The following CD200R1 variants were observed in gnomAD, a reference collection of about 807,000 sequenced individuals.
CD200R1 encodes the protein CD200 receptor 1.
A neutral mutation model predicts 38.1 loss-of-function variants in CD200R1; 30 were observed. That is an observed-to-expected ratio of 0.79 (90% CI 0.59 to 1.07). The LOEUF is 1.07. CD200R1 is among the 50% of genes least tolerant of loss of function. The pLI is 0.00. For missense variants in CD200R1, 372 were observed against 415.4 expected (o/e 0.90, Z 0.91); for synonymous variants, 128 against 152.1 (o/e 0.84, Z 1.16).
At chr3:112,944,172 A>C (rs1940789838) in intron 2 of CD200R1, among the ~76,000 whole-genome samples, 1 of 151,920 alleles carries the variant, frequency 6.6e-6, no homozygotes, top group African/African-American at 2.4e-5. Context: ...TAACCAAACC[A>C]GACAAAAACA....
intron 1 of CD200R1, among the ~76,000 whole-genome samples, chr3:112,950,536 C>T (rs1478401194): frequency 1.3e-5 from 2 of 152,094 alleles, no homozygotes; most frequent in Non-Finnish European, 2.9e-5. Context: ...TAATTCATTA[C>T]ATAGTTATAA....
At chr3:112,948,920 G>A (rs1270418816) in intron 1 of CD200R1, among the ~76,000 whole-genome samples, 1 of 152,180 alleles carries the variant, frequency 6.6e-6, no homozygotes, top group Non-Finnish European at 1.5e-5. Flanking sequence ...AAAGTTTTCA[G>A]TGCAATGATC....
At chr3:112,950,057 G>T (rs1193786980) in intron 1 of CD200R1, among the ~76,000 whole-genome samples, 1 of 152,168 alleles carries the variant, frequency 6.6e-6, no homozygotes, top group Non-Finnish European at 1.5e-5. Context: ...ATCAGTCATG[G>T]TAAGAGGAAT....
chr3:112,948,059 G>A (rs1940902952), intron 1 of CD200R1, 135 bp from the exon 2 acceptor site: 1 of 666,364 alleles, frequency 1.5e-6, no homozygotes, highest in Admixed American at 2.4e-5. Context: ...TCTAAATTAT[G>A]ACAGCCAAGC....
At chr3:112,937,830 C>G (rs966169429) in intron 2 of CD200R1, among the ~76,000 whole-genome samples, 12 of 152,054 alleles carry the variant, frequency 7.9e-5, no homozygotes, top group African/African-American at 2.9e-4. Flanking sequence ...TGAGCATGGA[C>G]TGTTTTTCCA....
intron 2 of CD200R1, among the ~76,000 whole-genome samples, chr3:112,940,828 T>C (rs533252779): frequency 4.0e-4 from 60 of 151,718 alleles, no homozygotes; most frequent in African/African-American, 1.4e-3. Context: ...GAAATAAATA[T>C]GTTAAAGAAA....
At chr3:112,938,603 T>C (rs1464724206) in intron 2 of CD200R1, among the ~76,000 whole-genome samples, 1 of 151,958 alleles carries the variant, frequency 6.6e-6, no homozygotes, top group African/African-American at 2.4e-5. Context: ...GAGATTGAAT[T>C]AGTAATGAAA....
chr3:112,948,702 T>C (rs1161140542), intron 1 of CD200R1, among the ~76,000 whole-genome samples: 2 of 152,212 alleles, frequency 1.3e-5, no homozygotes, highest in Non-Finnish European at 2.9e-5. Context: ...GCCCCAGGGT[T>C]GGGGACCCGT....
At chr3:112,936,359 T>C (rs952799437) in intron 2 of CD200R1, among the ~76,000 whole-genome samples, 8 of 152,202 alleles carry the variant, frequency 5.3e-5, no homozygotes, top group Non-Finnish European at 1.0e-4. Context: ...TCTGCCTCTA[T>C]GTCTTTGATG....
chr3:112,975,077 C>T lies in CD200R1; in HGVS notation c.-220G>A. 1 of 554,106 alleles carries T rather than the reference C, an allele frequency of 1.8e-6. No individual in the cohort carries two copies. 34.3% of individuals were successfully genotyped at this position (554,106 alleles called of 1,614,324 possible). On this transcript the variant is annotated 5_prime_UTR_variant, in exon 1 of 8. Transcript: ENST00000308611. ...GACGAACAGAAGCTTTTCTCTGGAA[C>T]TTGACACAGCAATAGATTTCCTGTA...
Position 112,921,961 on chromosome 3 carries a change from T to A in CD200R1, c.*1716A>T, listed in dbSNP as rs552459392. ...GCTCAACCAGGGTTGGATGAAGAATTAATAAATTTCAAGGACAGTGTAATG... is the reference window on the plus strand; with the variant it reads ...GCTCAACCAGGGTTGGATGAAGAATAAATAAATTTCAAGGACAGTGTAATG... On this transcript the variant is annotated 3_prime_UTR_variant, in exon 8 of 8. Coordinates refer to ENST00000308611, the MANE Select transcript of CD200R1 (RefSeq NM_138806.4). The A allele has an allele frequency of 6.6e-6, 1 of 152,154 alleles. No homozygotes were observed. Among genetic ancestry groups the A allele is most frequent in the East Asian group, 1.9e-4 (1 of 5,176 alleles). 9.4% of individuals were successfully genotyped at this position (152,154 alleles called of 1,614,324 possible).
chr3:112,961,768 G>C (rs893387483), intron 1 of CD200R1, among the ~76,000 whole-genome samples: 1 of 151,940 alleles, frequency 6.6e-6, no homozygotes, highest in African/African-American at 2.4e-5. Flanking sequence ...AACAAAGAAA[G>C]ATTAATTTTC....
chr3:112,968,028 T>A (rs1933210918), intron 1 of CD200R1, among the ~76,000 whole-genome samples: 1 of 152,238 alleles, frequency 6.6e-6, no homozygotes, highest in Non-Finnish European at 1.5e-5. Context: ...AATGAGGAAA[T>A]TACTGTCAAA....
At chr3:112,955,236 T>A (rs1394147363) in intron 1 of CD200R1, among the ~76,000 whole-genome samples, 2 of 152,210 alleles carry the variant, frequency 1.3e-5, no homozygotes, top group Non-Finnish European at 2.9e-5. Flanking sequence ...GTTCTGTGTA[T>A]GTCTGGTAGG....
chr3:112,933,737 A>G lies in CD200R1; in HGVS notation c.137-2566T>C, dbSNP rs1398866639. 5.3e-5 allele frequency among the ~76,000 whole-genome samples: 8 copies of G among 152,300 alleles called. No individual in the cohort carries two copies. In the East Asian group the frequency reaches 1.5e-3, roughly 29 times the overall value. On this transcript the variant is annotated intron_variant, in intron 2 of 7. Coordinates refer to ENST00000308611, the MANE Select transcript of CD200R1 (RefSeq NM_138806.4). ...AGAGAATACAGATAAACAATTCAATAAAATCAGGAAAACAATTTGTGATTT... is the reference window on the plus strand; with the variant it reads ...AGAGAATACAGATAAACAATTCAATGAAATCAGGAAAACAATTTGTGATTT...
intron 2 of CD200R1, among the ~76,000 whole-genome samples, chr3:112,945,475 G>C (rs1255095042): frequency 6.6e-6 from 1 of 152,178 alleles, no homozygotes; most frequent in South Asian, 2.1e-4. Flanking sequence ...TGAACAAATG[G>C]TGTTGGAACG....
intron 7 of CD200R1, 49 bp from the exon 8 acceptor site, chr3:112,923,848 ACTAT>A: frequency 8.3e-7 from 1 of 1,206,830 alleles, no homozygotes; most frequent in South Asian, 1.4e-5. Context: ...CATCATAGAG[ACTAT>A]CTGTATTTTT....
At chr3:112,967,623 A>C (rs1167155936) in intron 1 of CD200R1, among the ~76,000 whole-genome samples, 2 of 152,218 alleles carry the variant, frequency 1.3e-5, no homozygotes, top group African/African-American at 4.8e-5. Context: ...TGACTGATAC[A>C]TGACAGACAC....
intron 1 of CD200R1, among the ~76,000 whole-genome samples, chr3:112,970,726 G>A (rs1422000469): frequency 2.0e-5 from 3 of 152,072 alleles, no homozygotes; most frequent in Non-Finnish European, 4.4e-5. Context: ...TTATTGGGAG[G>A]AAATTTATCT....
Sources: allele counts gnomAD v4.1 joint callset (sites outside exome capture counted in the v4.1 genomes callset), GRCh38; gene constraint gnomAD v4.1.1; transcripts MANE v1.5; gene names NCBI Gene and HGNC (gene_info 2026-07-23, HGNC 2026-07-21).